The following MAP3K15 variants were observed in gnomAD, a reference collection of about 807,000 sequenced individuals.
The protein encoded by MAP3K15 is mitogen-activated protein kinase kinase kinase 15, also known as MAPK/ERK kinase kinase 15.
MAP3K15 carries 124 observed loss-of-function variants against 99.5 expected under a neutral mutation model. That is an observed-to-expected ratio of 1.25 (90% confidence interval 1.08 to 1.45). MAP3K15 has a LOEUF of 1.45. Ranked by LOEUF, MAP3K15 falls within the 40% of genes most tolerant of loss-of-function variation. The pLI is 0.00. For synonymous variants in MAP3K15, 494 were observed against 439.6 expected (o/e 1.12, Z -1.55); for missense variants, 1,242 against 1,079.7 (o/e 1.15, Z -2.11).
chrX:19,387,159 T>G (rs778623050), intron 18 of MAP3K15, among the ~76,000 whole-genome samples: 1 of 111,601 alleles, frequency 9.0e-6, no homozygotes, highest in Admixed American at 9.5e-5. Context: ...GGGGCTTCAC[T>G]GAGCGACTCA....
intron 9 of MAP3K15, among the ~76,000 whole-genome samples, chrX:19,422,740 G>A (rs1182125870): frequency 8.9e-6 from 1 of 111,976 alleles, no homozygotes; most frequent in African/African-American, 3.2e-5. Flanking sequence ...TATGTTTATA[G>A]TGGCACTATT....
intron 19 of MAP3K15, among the ~76,000 whole-genome samples, chrX:19,375,911 C>G (rs1417814354): frequency 8.9e-6 from 1 of 112,409 alleles, no homozygotes; most frequent in East Asian, 2.8e-4. Context: ...CACCCACCGC[C>G]AGGTCTGCAA....
At chrX:19,405,827 C>A (rs1159723277) in intron 13 of MAP3K15, among the ~76,000 whole-genome samples, 4 of 112,077 alleles carry the variant, frequency 3.6e-5, no homozygotes, top group African/African-American at 9.7e-5. Flanking sequence ...AAGGGGTAAA[C>A]CCTGAGAAAT....
intron 1 of MAP3K15, among the ~76,000 whole-genome samples, chrX:19,512,629 C>T (rs1407521664): frequency 9.3e-6 from 1 of 107,596 alleles, no homozygotes; most frequent in East Asian, 2.9e-4. Flanking sequence ...CACATGGGTG[C>T]CACCACATCC....
chrX:19,424,839 G>A (rs1230460046), intron 9 of MAP3K15, among the ~76,000 whole-genome samples: 1 of 104,964 alleles, frequency 9.5e-6, no homozygotes, highest in Non-Finnish European at 2.0e-5. Flanking sequence ...TAGACACTGG[G>A]TCTCACTCTA....
chrX:19,390,672 C>T (rs1214289129), intron 18 of MAP3K15, among the ~76,000 whole-genome samples: 1 of 106,279 alleles, frequency 9.4e-6, no homozygotes. Context: ...CCTCAATCTC[C>T]CAAAGTGCCC....
intron 18 of MAP3K15, among the ~76,000 whole-genome samples, chrX:19,389,423 G>A (rs1260530743): frequency 1.8e-5 from 2 of 110,845 alleles, no homozygotes; most frequent in East Asian, 5.7e-4. Flanking sequence ...AGGGCTCCAG[G>A]CCAGGAAGTT....
chrX:19,430,719 T>A (rs1353234040), intron 7 of MAP3K15, among the ~76,000 whole-genome samples: 1 of 111,005 alleles, frequency 9.0e-6, no homozygotes, highest in African/African-American at 3.3e-5. Context: ...CACCCCTTGC[T>A]TAGTGCTGAC....
chrX:19,496,561 G>T (rs2064403611), intron 1 of MAP3K15: 1 of 111,103 alleles, frequency 9.0e-6, no homozygotes, highest in African/African-American at 3.3e-5. Context: ...TTCAAACTGT[G>T]CGCAATTCTA....
At chrX:19,513,652 T>C (rs764307947) in intron 1 of MAP3K15, among the ~76,000 whole-genome samples, 13 of 111,584 alleles carry the variant, frequency 1.2e-4, no homozygotes, top group Non-Finnish European at 2.1e-4. Context: ...CTAATCATCC[T>C]AGCTTACTAT....
chrX:19,478,523 A>G lies in MAP3K15; in HGVS notation c.525+7959T>C. On this transcript the variant is annotated intron_variant, in intron 3 of 28. Transcript: ENST00000338883. ...ACAGGAGAAATTGTTACCCTGACCG[A>G]GACCTACACATGTTCCTAAGCCAGA... 2.7e-5 allele frequency among the ~76,000 whole-genome samples: 3 copies of G among 109,510 alleles called. No homozygotes were observed. The South Asian group carries it at 1.2e-3, about 45-fold the overall frequency.
Position 19,392,418 on chromosome X carries a change from G to T in MAP3K15, c.2250C>A (p.Ile750=). The T allele has an allele frequency of 8.3e-7, 1 of 1,210,860 alleles. No individual in the cohort carries two copies. Among genetic ancestry groups the T allele is most frequent in the East Asian group, 3.0e-5 (1 of 33,855 alleles). Residue 750 remains isoleucine (I), a synonymous_variant, in exon 17 of 29, where the codon ATC becomes ATA. Transcript: ENST00000338883. ...CCAGGATCTGTTTGGTGTAAAACTTGATTGTCGGTTCCTTCATCGGCCCCC... is the reference window on the plus strand; with the variant it reads ...CCAGGATCTGTTTGGTGTAAAACTTTATTGTCGGTTCCTTCATCGGCCCCC... ...SKWGPMKEPT[I]KFYTKQILEG... is the part of the protein sequence containing the mutation.
intron 13 of MAP3K15, 92 bp from the exon 14 acceptor site, chrX:19,400,755 T>A: frequency 1.8e-6 from 1 of 568,734 alleles, no homozygotes; most frequent in Non-Finnish European, 2.8e-6. Flanking sequence ...TACTTAAATA[T>A]AAACCAAACT....
intron 1 of MAP3K15, among the ~76,000 whole-genome samples, chrX:19,509,404 C>A (rs193030609): frequency 8.9e-6 from 1 of 112,124 alleles, no homozygotes; most frequent in East Asian, 2.8e-4. Context: ...TCTCAGACCA[C>A]AGTGCAATTA....
At chrX:19,361,738 CG>C (rs1327314831) in intron 26 of MAP3K15, 145 bp from the exon 27 acceptor site, 3 of 399,060 alleles carry the variant, frequency 7.5e-6, no homozygotes, top group Admixed American at 4.8e-5. Flanking sequence ...CACGCTAATA[CG>C]TATTACACAA....
chrX:19,481,678 G>A (rs1165091412), intron 3 of MAP3K15, among the ~76,000 whole-genome samples: 3 of 111,654 alleles, frequency 2.7e-5, no homozygotes, highest in Non-Finnish European at 5.6e-5. Context: ...ATGAAAAGAT[G>A]CTCAACATTA....
chrX:19,469,332 A>C (rs1215653161), intron 3 of MAP3K15, among the ~76,000 whole-genome samples: 11 of 112,045 alleles, frequency 9.8e-5, no homozygotes, highest in Non-Finnish European at 1.9e-4. Context: ...GGTGCTGGGA[A>C]AACTGGCTAG....
intron 19 of MAP3K15, among the ~76,000 whole-genome samples, chrX:19,378,871 GC>G (rs2063438873): frequency 9.0e-6 from 1 of 111,364 alleles, no homozygotes; most frequent in African/African-American, 3.3e-5. Context: ...CAGTACATGG[GC>G]TGCCCTTCCT....
intron 2 of MAP3K15, among the ~76,000 whole-genome samples, chrX:19,488,174 T>G (rs771186819): frequency 1.8e-5 from 2 of 112,257 alleles, no homozygotes; most frequent in African/African-American, 6.5e-5. Context: ...AATTTTGGAA[T>G]AACTCATGTT....
Sources: allele counts gnomAD v4.1 joint callset (sites outside exome capture counted in the v4.1 genomes callset), GRCh38; gene constraint gnomAD v4.1.1; transcripts MANE v1.5; gene names NCBI Gene and HGNC (gene_info 2026-07-23, HGNC 2026-07-21).